The following ZNF682 variants were observed in gnomAD, a reference collection of about 807,000 sequenced individuals.
ZNF682 encodes the protein zinc finger protein 682.
A neutral mutation model predicts 36.5 loss-of-function variants in ZNF682; 29 were observed. The observed-to-expected ratio is 0.80, with a 90% confidence interval of 0.59 to 1.08. The LOEUF (loss-of-function observed/expected upper bound fraction) is 1.08. Among genes scored for constraint, ZNF682 ranks in the 50% least tolerant of loss-of-function variants. The pLI is 0.00. For synonymous variants in ZNF682, 180 were observed against 197.0 expected (o/e 0.91, Z 0.72); for missense variants, 561 against 579.7 (o/e 0.97, Z 0.33).
chr19:20,027,785 CA>C (rs58406735), intron 1 of ZNF682, among the ~76,000 whole-genome samples: 117,238 of 142,654 alleles, frequency 0.82, 48,084 homozygotes, highest in Middle Eastern at 0.9. Flanking sequence ...AAAACAAAAA[CA>C]AAAAAAAAAA....
rs1368134726 is a variant in ZNF682 at position 20,004,474 on chromosome 19, G to A, written c.*1531C>T. On this transcript the variant is annotated 3_prime_UTR_variant, in exon 4 of 4. Transcript: ENST00000397165. ...ACTAAGTTCACACAGTCTAAGAAAA[G>A]CATTACAAAATCCACTATACTATCT... 6.6e-6 allele frequency: 1 copy of A among 152,122 alleles called. No homozygotes were observed. Among genetic ancestry groups the A allele is most frequent in the Non-Finnish European group, 1.5e-5 (1 of 68,020 alleles). 9.4% of individuals were successfully genotyped at this position (152,122 alleles called of 1,614,324 possible).
chr19:19,997,400 G>A (rs796695178), intron 3 of ZNF682: 2 of 396,156 alleles, frequency 5.0e-6, no homozygotes, highest in East Asian at 7.1e-5. Context: ...AGTGTCTGCT[G>A]GCCTTTGTTC....
intron 1 of ZNF682, among the ~76,000 whole-genome samples, chr19:20,027,485 C>T (rs532969398): frequency 2.6e-5 from 4 of 152,170 alleles, no homozygotes; most frequent in South Asian, 4.1e-4. Flanking sequence ...GGGGGCTAGG[C>T]GCTATGGCTC....
At position 20,031,505 on chromosome 19, in the gene ZNF682, A is replaced by T. The variant is rs530999848; in HGVS notation, c.4-7129T>A. ...TTCTGTACATTCTCAATCCAAAGTC[A>T]GGTCCTGTCTCATGAGTCCCAGAAG... On this transcript the variant is annotated intron_variant, in intron 1 of 3. Transcript: ENST00000397165. 1.8e-4 allele frequency among the ~76,000 whole-genome samples: 27 copies of T among 152,346 alleles called. No homozygotes were observed. In the South Asian group the frequency reaches 5.6e-3, roughly 32 times the overall value.
intron 3 of ZNF682, among the ~76,000 whole-genome samples, chr19:20,011,055 C>A (rs577687505): frequency 6.6e-5 from 10 of 151,886 alleles, no homozygotes; most frequent in Non-Finnish European, 1.5e-4. Context: ...CTGCTGACTT[C>A]GAGAAACTCA....
chr19:19,999,463 A>C (rs2088150267), downstream of ZNF682, among the ~76,000 whole-genome samples: 1 of 152,202 alleles, frequency 6.6e-6, no homozygotes, highest in Non-Finnish European at 1.5e-5. Flanking sequence ...TAATATGGCC[A>C]TCTGAAGCCT....
intron 1 of ZNF682, among the ~76,000 whole-genome samples, chr19:20,032,667 A>G (rs2088489324): frequency 6.6e-6 from 1 of 152,228 alleles, no homozygotes; most frequent in African/African-American, 2.4e-5. Context: ...AACTCTCCAC[A>G]ATGGCAGAAC....
downstream of ZNF682, among the ~76,000 whole-genome samples, chr19:20,002,726 CTG>C (rs1320685260): frequency 2.0e-5 from 3 of 152,122 alleles, no homozygotes; most frequent in South Asian, 2.1e-4. Context: ...TAGTGCTTTT[CTG>C]TGTTTGTTCA....
At chr19:20,007,491 G>C (rs771550551) in intron 3 of ZNF682, 1 of 477,944 alleles carries the variant, frequency 2.1e-6, no homozygotes, top group Non-Finnish European at 3.6e-6. Flanking sequence ...AGGTAATGCA[G>C]AAACTGTGGT....
At chr19:19,996,118 T>C (rs1264298814), downstream of ZNF682, among the ~76,000 whole-genome samples, 1 of 152,214 alleles carries the variant, frequency 6.6e-6, no homozygotes, top group Non-Finnish European at 1.5e-5. Context: ...CCTCAAGCTC[T>C]ATGTCCATCT....
chr19:20,024,667 G>C (rs988923106), intron 1 of ZNF682, among the ~76,000 whole-genome samples: 1 of 152,100 alleles, frequency 6.6e-6, no homozygotes, highest in South Asian at 2.1e-4. Flanking sequence ...GTGAAACCCT[G>C]TCTCTACTAG....
At chr19:20,028,260 T>G (rs979784728) in intron 1 of ZNF682, among the ~76,000 whole-genome samples, 19 of 151,868 alleles carry the variant, frequency 1.3e-4, no homozygotes, top group Non-Finnish European at 2.2e-4. Flanking sequence ...CAGGCTGGAG[T>G]GCACTGGCGT....
downstream of ZNF682, among the ~76,000 whole-genome samples, chr19:19,996,391 A>G (rs2088129080): frequency 6.6e-6 from 1 of 152,252 alleles, no homozygotes; most frequent in Non-Finnish European, 1.5e-5. Context: ...ATGCATGTTT[A>G]TAGCAGCACT....
chr19:20,015,500 A>G lies in ZNF682; in HGVS notation c.226+7504T>C, dbSNP rs370711611. ...AACTAAAAAATATAATGAATGTCAAATGGCCTATTATAAAAACTGTAACAA... is the reference window on the plus strand; with the variant it reads ...AACTAAAAAATATAATGAATGTCAAGTGGCCTATTATAAAAACTGTAACAA... On this transcript the variant is annotated intron_variant, in intron 3 of 3. Transcript: ENST00000397165. 8.3e-6 allele frequency: 7 copies of G among 843,388 alleles called. No homozygotes were observed. The South Asian group carries it at 3.8e-4, about 46-fold the overall frequency. The allele number at this position is 843,388 out of a possible 1,614,324, so 52.2% of individuals were successfully genotyped here. A position where few individuals can be genotyped will look rare whatever the true frequency, so the allele number is the denominator to read the frequency against.
At chr19:20,001,608 T>C (rs574640431), downstream of ZNF682, among the ~76,000 whole-genome samples, 2 of 152,222 alleles carry the variant, frequency 1.3e-5, no homozygotes, top group Non-Finnish European at 2.9e-5. Flanking sequence ...AGGACTGCCA[T>C]AACACAGCAT....
chr19:20,003,015 C>T (rs1226692086), downstream of ZNF682, among the ~76,000 whole-genome samples: 1 of 151,174 alleles, frequency 6.6e-6, no homozygotes, highest in Non-Finnish European at 1.5e-5. Context: ...ACGGTGAAAC[C>T]CCGTCTCTAC....
In ZNF682 at chr19:20,039,426, C is replaced by G. The variant is rs2088564753; in HGVS notation, c.-81G>C. On this transcript the variant is annotated 5_prime_UTR_variant, in exon 1 of 4. Coordinates refer to ENST00000397165, the MANE Select transcript of ZNF682 (RefSeq NM_033196.3). ...AGTCAGAGGGCAACAGAGGCTGCGACAGTCACCGGGAACTACTAGAGCAGA... is the reference window on the plus strand; with the variant it reads ...AGTCAGAGGGCAACAGAGGCTGCGAGAGTCACCGGGAACTACTAGAGCAGA... 6.3e-7 allele frequency: 1 copy of G among 1,587,838 alleles called. No individual in the cohort carries two copies. Among genetic ancestry groups the G allele is most frequent in the South Asian group, 1.1e-5 (1 of 90,286 alleles).
intron 1 of ZNF682, chr19:20,039,133 G>C (rs1008135233): frequency 9.3e-6 from 13 of 1,392,796 alleles, no homozygotes; most frequent in African/African-American, 4.4e-5. Flanking sequence ...GCGGGAGAAC[G>C]GAACGGGATG....
chr19:20,028,785 G>A (rs1014575949), intron 1 of ZNF682, among the ~76,000 whole-genome samples: 3 of 152,128 alleles, frequency 2.0e-5, no homozygotes, highest in South Asian at 4.1e-4. Flanking sequence ...AACAACACGC[G>A]CACATGCATT....
Sources: gnomAD v4.1 joint callset for allele counts (sites outside exome capture counted in the v4.1 genomes callset) on GRCh38, gnomAD v4.1.1 for gene constraint, MANE v1.5 for transcripts, NCBI Gene and HGNC (gene_info 2026-07-23, HGNC 2026-07-21) for gene names.